Variants in TRPC4 observed in about 807,000 individuals in gnomAD.
TRPC4 encodes the protein short transient receptor potential channel 4.
A neutral mutation model predicts 99.4 loss-of-function variants in TRPC4; 49 were observed. The ratio of observed to expected loss-of-function variants is 0.49; its 90% confidence interval spans 0.39 to 0.63. The LOEUF (loss-of-function observed/expected upper bound fraction) is 0.63. Among genes scored for constraint, TRPC4 ranks in the 20% least tolerant of loss-of-function variants. The probability of loss-of-function intolerance (pLI) is 0.00; values close to 1 mark genes in which losing one functional copy is unlikely to be tolerated. For synonymous variants in TRPC4, 454 were observed against 425.9 expected (o/e 1.07, Z -0.81); for missense variants, 898 against 1,152.9 (o/e 0.78, Z 3.20).
chr13:37,861,692 G>T (rs1295554264), intron 1 of TRPC4, among the ~76,000 whole-genome samples: 2 of 151,548 alleles, frequency 1.3e-5, no homozygotes, highest in South Asian at 2.1e-4. Context: ...GTGCAGTTCA[G>T]CTCCAAGTAG....
intron 8 of TRPC4, among the ~76,000 whole-genome samples, chr13:37,646,876 A>G (rs1405084629): frequency 6.6e-6 from 1 of 152,260 alleles, no homozygotes; most frequent in Non-Finnish European, 1.5e-5. Flanking sequence ...AATAGCCCAG[A>G]GAGGAAGCAT....
At chr13:37,660,053 T>G (rs943230857) in intron 6 of TRPC4, among the ~76,000 whole-genome samples, 17 of 152,132 alleles carry the variant, frequency 1.1e-4, no homozygotes, top group Non-Finnish European at 4.4e-5. Flanking sequence ...AGTCATGACT[T>G]AGACATATAG....
intron 2 of TRPC4, among the ~76,000 whole-genome samples, chr13:37,780,058 G>A (rs769343983): frequency 2.6e-5 from 4 of 151,956 alleles, no homozygotes; most frequent in Non-Finnish European, 5.9e-5. Flanking sequence ...GAAAAGGAAC[G>A]GTGTCTCCTC....
chr13:37,749,842 TTATTA>T (rs1299038066), intron 2 of TRPC4, among the ~76,000 whole-genome samples: 1 of 152,120 alleles, frequency 6.6e-6, no homozygotes, highest in African/African-American at 2.4e-5. Flanking sequence ...TTTATACTTG[TTATTA>T]AAGTATAACA....
intron 1 of TRPC4, among the ~76,000 whole-genome samples, chr13:37,862,433 G>A (rs115137911): frequency 0.016 from 2,364 of 151,410 alleles, 60 homozygotes; most frequent in African/African-American, 0.054. Context: ...AATTTAACAC[G>A]GATTTACAGT....
At chr13:37,692,684 A>G (rs1953756932) in intron 3 of TRPC4, among the ~76,000 whole-genome samples, 1 of 152,212 alleles carries the variant, frequency 6.6e-6, no homozygotes, top group South Asian at 2.1e-4. Flanking sequence ...ATACACATAT[A>G]TAAGAATATA....
At chr13:37,834,702 T>C (rs1022816314) in intron 1 of TRPC4, among the ~76,000 whole-genome samples, 1 of 152,174 alleles carries the variant, frequency 6.6e-6, no homozygotes, top group Non-Finnish European at 1.5e-5. Flanking sequence ...AATCTTGAGT[T>C]TATCTCACTC....
intron 1 of TRPC4, among the ~76,000 whole-genome samples, chr13:37,862,344 T>C (rs890066517): frequency 6.6e-6 from 1 of 151,576 alleles, no homozygotes; most frequent in African/African-American, 2.4e-5. Flanking sequence ...TTACAATACA[T>C]AGCCTGTGAA....
At chr13:37,785,329 G>T (rs1956941494) in intron 1 of TRPC4, among the ~76,000 whole-genome samples, 1 of 152,004 alleles carries the variant, frequency 6.6e-6, no homozygotes, top group Admixed American at 6.6e-5. Flanking sequence ...ATAACAGTGT[G>T]TGGGATCAAT....
At chr13:37,664,219 C>T (rs997565570) in intron 5 of TRPC4, among the ~76,000 whole-genome samples, 1 of 152,112 alleles carries the variant, frequency 6.6e-6, no homozygotes, top group East Asian at 1.9e-4. Context: ...GCTATTAAAA[C>T]ATATAAAAAG....
chr13:37,691,052 G>A (rs958032625), intron 4 of TRPC4, among the ~76,000 whole-genome samples: 2 of 152,050 alleles, frequency 1.3e-5, no homozygotes, highest in South Asian at 4.1e-4. Context: ...TTTAACCATG[G>A]CTATAATAAC....
chr13:37,799,292 C>T (rs2139423964), intron 1 of TRPC4, among the ~76,000 whole-genome samples: 1 of 152,246 alleles, frequency 6.6e-6, no homozygotes, highest in South Asian at 2.1e-4. Flanking sequence ...TAGCCTCTAG[C>T]AATGCATGTA....
rs773144128 is a variant in TRPC4 at position 37,637,437 on chromosome 13, G to C, written c.2400C>G (p.Thr800=). The stretch of plus-strand genomic sequence containing the variant: ...CTGCTGATCTCGGATGAATCAGGGT[G>C]GTTAAATCAAAAAGGCTGAAATTCT... ...KKKNFSLFDL[T]TLIHPRSAAI... is the part of the protein sequence containing the mutation. Residue 800 remains threonine (T), a synonymous_variant, in exon 11 of 11, where the codon ACC becomes ACG. Transcript: ENST00000379705. 1.2e-6 allele frequency: 2 copies of C among 1,613,590 alleles called. No individual in the cohort carries two copies. Among genetic ancestry groups the C allele is most frequent in the Admixed American group, 3.3e-5 (2 of 59,904 alleles).
intron 5 of TRPC4, among the ~76,000 whole-genome samples, chr13:37,664,502 A>T (rs1952569891): frequency 6.6e-6 from 1 of 152,002 alleles, no homozygotes; most frequent in African/African-American, 2.4e-5. Context: ...TGAACTTGGG[A>T]GACTGAGGTT....
At chr13:37,832,514 A>G (rs1958450566) in intron 1 of TRPC4, among the ~76,000 whole-genome samples, 1 of 152,082 alleles carries the variant, frequency 6.6e-6, no homozygotes, top group Non-Finnish European at 1.5e-5. Flanking sequence ...ACTCCAGCCT[A>G]GGTGACAGAG....
At chr13:37,756,759 T>C (rs1195414340) in intron 2 of TRPC4, among the ~76,000 whole-genome samples, 2 of 151,966 alleles carry the variant, frequency 1.3e-5, no homozygotes, top group Admixed American at 6.6e-5. Context: ...GGTCTTGAAC[T>C]CCTGAACTCA....
chr13:37,850,447 A>T (rs551827549), intron 1 of TRPC4, among the ~76,000 whole-genome samples: 1 of 152,352 alleles, frequency 6.6e-6, no homozygotes, highest in East Asian at 1.9e-4. Context: ...GATGTGAAAG[A>T]TGGTAATTTG....
At chr13:37,748,735 T>C (rs1164650269) in intron 2 of TRPC4, among the ~76,000 whole-genome samples, 3 of 152,130 alleles carry the variant, frequency 2.0e-5, no homozygotes, top group Non-Finnish European at 4.4e-5. Context: ...GAAAATTTTA[T>C]TTTAAAAATA....
intron 1 of TRPC4, among the ~76,000 whole-genome samples, chr13:37,826,436 G>A (rs1285304496): frequency 7.3e-5 from 10 of 137,320 alleles, no homozygotes; most frequent in South Asian, 2.7e-4. Context: ...CATGTTTAGC[G>A]CTTCCTTCAG....
Sources: allele counts gnomAD v4.1 joint callset (sites outside exome capture counted in the v4.1 genomes callset), GRCh38; gene constraint gnomAD v4.1.1; transcripts MANE v1.5; gene names NCBI Gene and HGNC (gene_info 2026-07-23, HGNC 2026-07-21).